TTC7A: variants seen among roughly 807,000 people sequenced by gnomAD.
The protein encoded by TTC7A is tetratricopeptide repeat domain 7A, also known as tetratricopeptide repeat protein 7A.
In TTC7A, 110 loss-of-function variants were observed where a neutral mutation model predicts 103.7. The ratio of observed to expected loss-of-function variants is 1.06; its 90% CI spans 0.91 to 1.24. The LOEUF (loss-of-function observed/expected upper bound fraction) is 1.24. TTC7A is among the 50% of genes most tolerant of loss of function. The pLI is 0.00. For synonymous variants in TTC7A, 521 were observed against 467.9 expected (o/e 1.11, Z -1.47); for missense variants, 1,340 against 1,116.3 (o/e 1.20, Z -2.86).
Position 47,073,715 on chromosome 2 carries a change from G to A in TTC7A, c.2369G>A (p.Ser790Asn). ...CTTCGTCCACAGGGTCTGATGCTGA[G>A]TCGGCTGGGCCACAAGAGCTTGGCC... The part of the protein sequence containing the change: ...RIMHSLGLML[S>N]RLGHKSLAQK... The change falls in exon 20 of 20, where the codon AGT becomes AAT. Residue 790 changes from serine to asparagine, a missense_variant. Ser to Asn is a conservative substitution (Grantham distance 46). Coordinates refer to ENST00000319190, the MANE Select transcript of TTC7A (RefSeq NM_020458.4). The A allele has an allele frequency of 6.2e-7, 1 of 1,613,820 alleles. No homozygotes were observed. Among genetic ancestry groups the A allele is most frequent in the Non-Finnish European group, 8.5e-7 (1 of 1,180,016 alleles).
At chr2:47,015,199 C>T (rs1211928728) in intron 11 of TTC7A, among the ~76,000 whole-genome samples, 1 of 152,262 alleles carries the variant, frequency 6.6e-6, no homozygotes, top group East Asian at 1.9e-4. Context: ...GCCCAGCCTC[C>T]TGCCAGGGTC....
At chr2:46,997,053 A>C (rs895414636) in intron 8 of TTC7A, among the ~76,000 whole-genome samples, 2 of 152,084 alleles carry the variant, frequency 1.3e-5, no homozygotes, top group Non-Finnish European at 2.9e-5. Flanking sequence ...ATCCTGGCTC[A>C]CTGCAACCTC....
At chr2:47,032,812 C>G (rs1439318541) in intron 15 of TTC7A, among the ~76,000 whole-genome samples, 2 of 127,716 alleles carry the variant, frequency 1.6e-5, no homozygotes, top group African/African-American at 3.0e-5. Context: ...AATACAGGGA[C>G]TTTTGGCCTC....
At chr2:46,956,663 G>C in intron 2 of TTC7A, 176 bp from the exon 3 acceptor site, 2 of 649,226 alleles carry the variant, frequency 3.1e-6, no homozygotes, top group Non-Finnish European at 2.7e-6. Flanking sequence ...GTAGGCTGCA[G>C]ACCATGGGTG....
chr2:47,074,203 A>T lies in TTC7A; in HGVS notation c.*280A>T. On this transcript the variant is annotated 3_prime_UTR_variant, in exon 20 of 20. Coordinates refer to ENST00000319190, the MANE Select transcript of TTC7A (RefSeq NM_020458.4). The stretch of plus-strand genomic sequence containing the variant: ...GCTCCCCAAGAGCTGGGCAGCGGGG[A>T]GCCTCACAGCTGTCCTTCACCCTCA... 2.1e-6 allele frequency: 1 copy of T among 483,890 alleles called. No homozygotes were observed. The highest frequency in any genetic ancestry group is 3.7e-6 in the Non-Finnish European group (1 of 266,766). 30.0% of individuals were successfully genotyped at this position (483,890 alleles called of 1,614,324 possible). A position where few individuals can be genotyped will look rare whatever the true frequency, so the allele number is the denominator to read the frequency against.
chr2:47,003,677 C>T (rs1040836570), intron 8 of TTC7A, among the ~76,000 whole-genome samples: 8 of 152,232 alleles, frequency 5.3e-5, no homozygotes, highest in Non-Finnish European at 1.2e-4. Context: ...CACCCGCTCC[C>T]ATCATAACCT....
chr2:46,964,588 G>T (rs1420845908), intron 3 of TTC7A, among the ~76,000 whole-genome samples: 2 of 152,198 alleles, frequency 1.3e-5, no homozygotes, highest in Non-Finnish European at 2.9e-5. Flanking sequence ...GAGCTGAGGG[G>T]TCTGGGCCCT....
At chr2:46,981,281 C>T (rs1156724608) in intron 5 of TTC7A, among the ~76,000 whole-genome samples, 3 of 151,792 alleles carry the variant, frequency 2.0e-5, no homozygotes, top group Non-Finnish European at 2.9e-5. Flanking sequence ...GGACACACTG[C>T]TTGTAGCTTG....
intron 2 of TTC7A, chr2:46,951,624 T>C (rs1185928716): frequency 2.2e-6 from 1 of 456,188 alleles, no homozygotes; most frequent in South Asian, 1.5e-5. Flanking sequence ...TTACTCAGGC[T>C]GGTCTCCAAC....
At chr2:46,915,898 G>A (rs963665619), upstream of TTC7A, 41 of 984,284 alleles carry the variant, frequency 4.2e-5, no homozygotes, top group African/African-American at 3.5e-5. Flanking sequence ...CGCTGGCGGC[G>A]GCGGGCTGTG....
Position 46,941,751 on chromosome 2 carries a change from C to A in TTC7A, c.184+26C>A. 1 of 1,547,314 alleles carries A rather than the reference C, an allele frequency of 6.5e-7. No individual in the cohort carries two copies. The highest frequency in any genetic ancestry group is 8.7e-7 in the Non-Finnish European group (1 of 1,145,750). ...GTGAGTAAGGGAAGAGGCTGGCTCGCCGGCAGCGAGCGCGCGAAACGCACC... is the reference window on the plus strand; with the variant it reads ...GTGAGTAAGGGAAGAGGCTGGCTCGACGGCAGCGAGCGCGCGAAACGCACC... On this transcript the variant is annotated intron_variant, in intron 1 of 19. Transcript: ENST00000319190. This position sits in a 1 kb window ranked among gnomAD's most constrained non-coding sequence, Gnocchi z 4.2.
intron 3 of TTC7A, among the ~76,000 whole-genome samples, chr2:46,957,709 G>A (rs888063569): frequency 2.6e-5 from 4 of 152,216 alleles, no homozygotes; most frequent in African/African-American, 9.6e-5. Flanking sequence ...TGTGTTCAAT[G>A]TTAAAGTCAT....
intron 2 of TTC7A, among the ~76,000 whole-genome samples, chr2:46,922,013 G>A (rs1219650308): frequency 6.6e-6 from 1 of 152,194 alleles, no homozygotes; most frequent in Admixed American, 6.5e-5. Flanking sequence ...AAAAACTAAA[G>A]ACATACTGGG....
rs942394761 is a variant in TTC7A, at chr2:47,007,846, T to C, written c.1287+1122T>C. The stretch of plus-strand genomic sequence containing the variant: ...AGAGCATCTTGAAGTCACAGCATGA[T>C]CTCCTTGGCTCTGTGCTCAGCAGGG... On this transcript the variant is annotated intron_variant, in intron 10 of 19. Coordinates refer to ENST00000319190, the MANE Select transcript of TTC7A (RefSeq NM_020458.4). The surrounding 1 kb of genome is among the most constrained non-coding windows in gnomAD (Gnocchi z 4.9). 1.3e-5 allele frequency among the ~76,000 whole-genome samples: 2 copies of C among 152,160 alleles called. No homozygotes were observed. The highest frequency in any genetic ancestry group is 3.9e-4 in the East Asian group (2 of 5,194).
At chr2:46,992,137 T>C (rs1055047347) in intron 5 of TTC7A, among the ~76,000 whole-genome samples, 2 of 152,242 alleles carry the variant, frequency 1.3e-5, no homozygotes, top group Non-Finnish European at 2.9e-5. Context: ...CAGCCTCTGC[T>C]TTCCCTTGTG....
intron 15 of TTC7A, among the ~76,000 whole-genome samples, chr2:47,032,627 A>G (rs892378): frequency 0.43 from 65,392 of 151,132 alleles, 15,294 homozygotes; most frequent in African/African-American, 0.62. Context: ...TGCAGGCCCC[A>G]CCCCCAGTAG....
At chr2:46,975,575 C>A (rs953841649) in intron 4 of TTC7A, among the ~76,000 whole-genome samples, 7 of 151,984 alleles carry the variant, frequency 4.6e-5, no homozygotes, top group Non-Finnish European at 1.0e-4. Context: ...CCCTCCCTCC[C>A]CACTCCCTGT....
chr2:46,994,326 G>A, intron 6 of TTC7A, 31 bp from the exon 7 acceptor site: 1 of 1,599,740 alleles, frequency 6.3e-7, no homozygotes, highest in Non-Finnish European at 8.5e-7. Context: ...TGACAACTGT[G>A]CCTGGGTCCG....
intron 16 of TTC7A, 136 bp from the exon 17 acceptor site, chr2:47,049,813 A>T: frequency 3.0e-6 from 2 of 664,058 alleles, no homozygotes; most frequent in South Asian, 3.5e-5. Context: ...GCCTGAACCC[A>T]CAGCCCCAGA....
Sources: gnomAD v4.1 joint callset for allele counts (sites outside exome capture counted in the v4.1 genomes callset) on GRCh38, gnomAD v4.1.1 for gene constraint, Gnocchi (gnomAD v3.1) non-coding constraint, MANE v1.5 for transcripts, NCBI Gene and HGNC (gene_info 2026-07-23, HGNC 2026-07-21) for gene names.